PKN2: variants seen among roughly 807,000 people sequenced by gnomAD.
PKN2 encodes the protein protein kinase N2.
Under a neutral mutation model 119.1 loss-of-function variants are expected in PKN2, and 38 were observed. The observed-to-expected ratio is 0.32, with a 90% CI of 0.25 to 0.42. PKN2 has a LOEUF of 0.42. Among genes scored for constraint, PKN2 ranks in the 10% least tolerant of loss-of-function variants. The pLI is 1.00. For synonymous variants in PKN2, 390 were observed against 384.9 expected, an observed-to-expected ratio of 1.01 and a Z score of -0.15; for missense variants, 850 against 1,165.1, an observed-to-expected ratio of 0.73 and a Z score of 3.94.
intron 3 of PKN2, among the ~76,000 whole-genome samples, chr1:88,762,507 T>G (rs1232136168): frequency 6.6e-6 from 1 of 152,200 alleles, no homozygotes; most frequent in Non-Finnish European, 1.5e-5. Flanking sequence ...AATTATAAAT[T>G]GAAATTATGT....
At chr1:88,714,164 G>A (rs60887182) in intron 1 of PKN2, among the ~76,000 whole-genome samples, 10,221 of 152,036 alleles carry the variant, frequency 0.067, 699 homozygotes, top group African/African-American at 0.18. Context: ...TACCAGTACC[G>A]TGCTGTTTTG....
intron 1 of PKN2, among the ~76,000 whole-genome samples, chr1:88,693,022 ACACATGCTAG>A (rs1666391912): frequency 6.6e-6 from 1 of 152,246 alleles, no homozygotes; most frequent in Non-Finnish European, 1.5e-5. Context: ...GTATTGCTTC[ACACATGCTAG>A]GCACCCAAAT....
chr1:88,754,983 T>C (rs964733984), intron 2 of PKN2, among the ~76,000 whole-genome samples: 5 of 152,206 alleles, frequency 3.3e-5, no homozygotes, highest in Admixed American at 2.6e-4. Context: ...ATATTAGCAA[T>C]ATATGCAGCA....
At chr1:88,831,521 G>A (rs1370216640) in intron 19 of PKN2, among the ~76,000 whole-genome samples, 1 of 152,022 alleles carries the variant, frequency 6.6e-6, no homozygotes, top group East Asian at 1.9e-4. Flanking sequence ...TTTTATTTAT[G>A]TATTTTGAGT....
chr1:88,752,815 T>A (rs1209216391), intron 2 of PKN2, among the ~76,000 whole-genome samples: 2 of 152,140 alleles, frequency 1.3e-5, no homozygotes, highest in African/African-American at 4.8e-5. Context: ...TTTCTTAAAA[T>A]AGCATATAGT....
At chr1:88,829,612 A>G (rs1196300465) in intron 19 of PKN2, among the ~76,000 whole-genome samples, 5 of 152,218 alleles carry the variant, frequency 3.3e-5, no homozygotes, top group Admixed American at 2.6e-4. Flanking sequence ...CTAATAATTT[A>G]TTATGTTATA....
At chr1:88,770,998 A>G (rs1416125366) in intron 4 of PKN2, among the ~76,000 whole-genome samples, 2 of 151,592 alleles carry the variant, frequency 1.3e-5, no homozygotes, top group Non-Finnish European at 2.9e-5. Flanking sequence ...TCTTCATTTA[A>G]ATAGATTATC....
intron 1 of PKN2, among the ~76,000 whole-genome samples, chr1:88,711,669 G>A (rs1250746831): frequency 6.6e-6 from 1 of 152,112 alleles, no homozygotes; most frequent in Non-Finnish European, 1.5e-5. Context: ...TATTTGGAAT[G>A]TTTGTAGAAT....
chr1:88,760,574 C>T (rs55799760), intron 3 of PKN2, among the ~76,000 whole-genome samples, 198 bp downstream of exon 3: 10,173 of 152,092 alleles, frequency 0.067, 696 homozygotes, highest in African/African-American at 0.18. Flanking sequence ...CAGCTGAGTT[C>T]GAACAAGGTG....
chr1:88,749,671 G>A (rs1396772371), intron 2 of PKN2, among the ~76,000 whole-genome samples: 1 of 152,158 alleles, frequency 6.6e-6, no homozygotes, highest in African/African-American at 2.4e-5. Context: ...TTGGACTTTA[G>A]GAGAAGTATA....
At chr1:88,789,924 C>G (rs1214216451) in intron 8 of PKN2, among the ~76,000 whole-genome samples, 1 of 151,134 alleles carries the variant, frequency 6.6e-6, no homozygotes, top group African/African-American at 2.5e-5. Context: ...GATTATATTT[C>G]CTTTTTAATA....
intron 16 of PKN2, among the ~76,000 whole-genome samples, chr1:88,821,269 A>G (rs1280017857): frequency 1.3e-5 from 2 of 152,190 alleles, no homozygotes; most frequent in Non-Finnish European, 2.9e-5. Flanking sequence ...GGATGTTCTC[A>G]TGATCTTTTC....
At chr1:88,710,331 A>AT (rs1237866871) in intron 1 of PKN2, among the ~76,000 whole-genome samples, 1 of 152,070 alleles carries the variant, frequency 6.6e-6, no homozygotes, top group Non-Finnish European at 1.5e-5. Flanking sequence ...TTCCAGGCCT[A>AT]TTTTTTCTCC....
intron 13 of PKN2, 26 bp from the exon 14 acceptor site, chr1:88,807,503 T>C (rs1671596257): frequency 3.7e-6 from 6 of 1,603,646 alleles, no homozygotes; most frequent in Non-Finnish European, 5.1e-6. Flanking sequence ...TATTGTCTTA[T>C]TATTAATTGA....
At chr1:88,770,257 A>G in intron 3 of PKN2, 95 bp from the exon 4 acceptor site, 4 of 659,198 alleles carry the variant, frequency 6.1e-6, no homozygotes, top group Non-Finnish European at 1.1e-5. Context: ...TCTGTTTTTC[A>G]CTTGCTGATA....
At chr1:88,778,732 G>C (rs202109364) in intron 6 of PKN2, among the ~76,000 whole-genome samples, 3 of 145,230 alleles carry the variant, frequency 2.1e-5, no homozygotes, top group African/African-American at 7.7e-5. Flanking sequence ...TTTTTTTTTC[G>C]AGACAGAGTC....
rs188209076 is a variant in PKN2, at chr1:88,690,128, C to T, written c.48+5500C>T. On this transcript the variant is annotated intron_variant, in intron 1 of 21. Coordinates refer to ENST00000370521, the MANE Select transcript of PKN2 (RefSeq NM_006256.4). ...AGATTAGGTCTAGTATCATGCAATT[C>T]CTACCATTCACATAGTGTTGAAATA... Among the ~76,000 whole-genome samples the T allele has an allele frequency of 4.7e-4, 72 of 152,258 alleles. 1 individual carries two copies. The highest frequency in any genetic ancestry group is 4.4e-4 in the Non-Finnish European group (30 of 68,022).
intron 1 of PKN2, among the ~76,000 whole-genome samples, chr1:88,739,708 G>A (rs1163147819): frequency 1.3e-5 from 2 of 152,144 alleles, no homozygotes; most frequent in Non-Finnish European, 2.9e-5. Context: ...TGGTATTATA[G>A]TAATGGACTT....
At chr1:88,816,054 C>T (rs936234230) in intron 16 of PKN2, among the ~76,000 whole-genome samples, 6 of 151,926 alleles carry the variant, frequency 3.9e-5, no homozygotes, top group African/African-American at 1.2e-4. Context: ...GCAGGAGAAC[C>T]ACTTGAACCC....
Sources: allele counts gnomAD v4.1 joint callset (sites outside exome capture counted in the v4.1 genomes callset), GRCh38; gene constraint gnomAD v4.1.1; transcripts MANE v1.5; gene names NCBI Gene and HGNC (gene_info 2026-07-23, HGNC 2026-07-21).